SPAG7: variants seen among roughly 807,000 people sequenced by gnomAD.
The protein encoded by SPAG7 is sperm-associated antigen 7.
SPAG7 carries 20 observed loss-of-function variants against 30.6 expected under a neutral mutation model. That is an observed-to-expected ratio of 0.65 (90% CI 0.46 to 0.95). The LOEUF (loss-of-function observed/expected upper bound fraction) is 0.95. SPAG7 is among the 40% of genes least tolerant of loss of function. The pLI, the probability that SPAG7 is intolerant of heterozygous loss-of-function variation, is 0.00. For synonymous variants in SPAG7, 127 were observed against 104.2 expected (o/e 1.22, Z -1.33); for missense variants, 276 against 291.1 (o/e 0.95, Z 0.38).
chr17:4,967,174 T>C (rs1280398671), intron 1 of SPAG7: 36 of 985,648 alleles, frequency 3.7e-5, no homozygotes, highest in Non-Finnish European at 4.2e-5. Context: ...GGGAAAAAGG[T>C]TGTCGGAGGG....
At chr17:4,960,729 TTTAAC>T in intron 2 of SPAG7, 52 bp downstream of exon 2, 14 of 1,545,796 alleles carry the variant, frequency 9.1e-6, no homozygotes, top group Non-Finnish European at 1.3e-5. Flanking sequence ...ACCTTCCAAT[TTTAAC>T]TTATTGGAAG....
chr17:4,962,766 T>A (rs900313368), intron 1 of SPAG7, among the ~76,000 whole-genome samples: 1 of 151,960 alleles, frequency 6.6e-6, no homozygotes, highest in Non-Finnish European at 1.5e-5. Flanking sequence ...GTCAGGTTGG[T>A]CTCGAACTCC....
At chr17:4,967,816 CTG>C (rs775783314) in exon 1 of SPAG7, 41 of 1,601,970 alleles carry the variant, frequency 2.6e-5, 1 homozygote, top group African/African-American at 3.1e-4. Context: ...TTGGGAGTGA[CTG>C]AGAGGGGGCG....
At chr17:4,961,764 CAA>C (rs762833514) in intron 1 of SPAG7, among the ~76,000 whole-genome samples, 10,864 of 56,526 alleles carry the variant, frequency 0.19, 210 homozygotes, top group Middle Eastern at 0.23. Context: ...GACTCCATCT[CAA>C]AAAAAAAAAA....
At chr17:4,960,930 T>C (rs747207673) in intron 1 of SPAG7, 77 bp from the exon 2 acceptor site, 1 of 1,302,168 alleles carries the variant, frequency 7.7e-7, no homozygotes, top group Non-Finnish European at 1.1e-6. Context: ...TCAAGTGAAG[T>C]GTGGTGTCCA....
At position 4,960,473 on chromosome 17, in the gene SPAG7, G is replaced by C; in HGVS notation, c.228C>G (p.Ile76Met). The change falls in exon 3 of 7, where the codon ATC (isoleucine) becomes ATG (methionine). Residue 76 changes from isoleucine to methionine, a missense_variant. Physicochemically the swap from Ile to Met is conservative, Grantham distance 10 (BLOSUM62 1). Coordinates refer to ENST00000206020, the MANE Select transcript of SPAG7 (RefSeq NM_004890.3). ...IKKKFQPMNK[I>M]ERSILHDVVE... is the part of the protein sequence containing the mutation. Reference sequence around the variant, plus strand: ...GGGACACTCACAGTATGCTCCTCTCGATCTTGTTCATTGGCTGAAACTTTT... The same window carrying C: ...GGGACACTCACAGTATGCTCCTCTCCATCTTGTTCATTGGCTGAAACTTTT... The C allele has an allele frequency of 6.2e-7, 1 of 1,603,704 alleles. No homozygotes were observed. Among genetic ancestry groups the C allele is most frequent in the Non-Finnish European group, 8.5e-7 (1 of 1,176,482 alleles).
rs529001332 is a variant in SPAG7, at chr17:4,962,553, G to A, written c.86-1700C>T. Among the ~76,000 whole-genome samples, 3 of 152,280 alleles carry A rather than the reference G, an allele frequency of 2.0e-5. No homozygotes were observed. In the South Asian group the frequency reaches 6.2e-4, roughly 32 times the overall value. The stretch of plus-strand genomic sequence containing the variant: ...TTCTCAAGTAGCTGGGACCACAGGC[G>A]TGTGCCACCATGCTCAGCTACTGTT... On this transcript the variant is annotated intron_variant, in intron 1 of 6. Coordinates refer to ENST00000206020, the MANE Select transcript of SPAG7 (RefSeq NM_004890.3).
intron 1 of SPAG7, chr17:4,965,848 T>TTATTTATTTATTTATC (rs1555555828): frequency 1.4e-5 from 2 of 144,104 alleles, no homozygotes; most frequent in Non-Finnish European, 3.0e-5. Flanking sequence ...ATTTATTTAT[T>TTATTTATTTATTTATC]TATCTATTTA....
chr17:4,959,780 G>A lies in SPAG7; in HGVS notation c.554C>T (p.Ala185Val). The A allele has an allele frequency of 1.2e-6, 2 of 1,614,158 alleles. No individual in the cohort carries two copies. The change falls in exon 6 of 7, where the codon GCC becomes GTC. Residue 185 changes from alanine (A) to valine (V), a missense_variant. Physicochemically the swap from Ala to Val is moderately conservative, Grantham distance 64. Transcript: ENST00000206020. ...AAKDAAHMLQ[A>V]NKTYGCVPVA... ...CTCACCACAGCCGTAGGTCTTATTG[G>A]CCTGTAGCATGTGGGCTGCGTCTTT...
Position 4,960,395 on chromosome 17 carries a change from C to T in SPAG7, c.242+64G>A, listed in dbSNP as rs577013710. ...AGTGCCCTCCTCTGGAGGAGCCCCC[C>T]GCTGGCCCTTTCATGCCCCGCTAGC... On this transcript the variant is annotated intron_variant, in intron 3 of 6. Transcript: ENST00000206020. The T allele has an allele frequency of 4.1e-5, 66 of 1,597,262 alleles. 1 individual carries two copies. In the South Asian group the frequency reaches 4.2e-4, roughly 10 times the overall value.
chr17:4,962,637 TTTTTA>T (rs1250296438), intron 1 of SPAG7, among the ~76,000 whole-genome samples: 5 of 151,970 alleles, frequency 3.3e-5, no homozygotes, highest in Admixed American at 6.6e-5. Flanking sequence ...CAGGATGGTA[TTTTTA>T]TTTTATTTTA....
chr17:4,963,113 CT>C (rs1326330002), intron 1 of SPAG7, among the ~76,000 whole-genome samples: 1 of 151,858 alleles, frequency 6.6e-6, no homozygotes, highest in Non-Finnish European at 1.5e-5. Flanking sequence ...AATGTTTGGG[CT>C]GAGCGTGGTG....
At chr17:4,963,249 A>G (rs1971893838) in intron 1 of SPAG7, among the ~76,000 whole-genome samples, 1 of 152,020 alleles carries the variant, frequency 6.6e-6, no homozygotes. Context: ...AGAATTAGGC[A>G]TGATGATGCA....
chr17:4,960,976 T>C (rs1350348120), intron 1 of SPAG7, 123 bp from the exon 2 acceptor site: 1 of 812,518 alleles, frequency 1.2e-6, no homozygotes, highest in East Asian at 2.4e-5. Flanking sequence ...AGGATTAGCG[T>C]TTATTCATCA....
At chr17:4,960,708 C>A (rs867798178) in intron 2 of SPAG7, 78 bp downstream of exon 2, 2 of 1,491,812 alleles carry the variant, frequency 1.3e-6, no homozygotes, top group African/African-American at 2.8e-5. Flanking sequence ...TTCAGCAAAA[C>A]TGAGTCCTCA....
chr17:4,964,640 C>A (rs977109378), intron 1 of SPAG7, among the ~76,000 whole-genome samples: 3 of 152,148 alleles, frequency 2.0e-5, no homozygotes, highest in Admixed American at 2.0e-4. Context: ...GGATTATAGG[C>A]GTGAGCCACC....
intron 1 of SPAG7, among the ~76,000 whole-genome samples, chr17:4,964,357 C>CTTTTT (rs1169648266): frequency 3.6e-5 from 4 of 110,054 alleles, no homozygotes; most frequent in Non-Finnish European, 5.2e-5. Context: ...TCCTTTACAT[C>CTTTTT]TTTTTTTTTT....
In SPAG7 at chr17:4,960,462, A is replaced by G; in HGVS notation, c.239T>C (p.Ile80Thr). The G allele has an allele frequency of 6.2e-7, 1 of 1,608,048 alleles. No individual in the cohort carries two copies. Among genetic ancestry groups the G allele is most frequent in the African/African-American group, 1.3e-5 (1 of 74,552 alleles). The stretch of plus-strand genomic sequence containing the variant: ...CCCCCAGCCCAGGGACACTCACAGT[A>G]TGCTCCTCTCGATCTTGTTCATTGG... ...FQPMNKIERS[I>T]LHDVVEVAGL... is the part of the protein sequence containing the mutation. The change falls in exon 3 of 7, where the codon ATA becomes ACA. Residue 80 changes from isoleucine to threonine, a missense_variant. Coordinates refer to ENST00000206020, the MANE Select transcript of SPAG7 (RefSeq NM_004890.3).
At chr17:4,963,918 G>A (rs1257686447) in intron 1 of SPAG7, among the ~76,000 whole-genome samples, 1 of 152,060 alleles carries the variant, frequency 6.6e-6, no homozygotes. Context: ...GAACTCTTGG[G>A]CTCAAGGTAT....
Sources: gnomAD v4.1 joint callset for allele counts (sites outside exome capture counted in the v4.1 genomes callset) on GRCh38, gnomAD v4.1.1 for gene constraint, MANE v1.5 for transcripts, NCBI Gene and HGNC (gene_info 2026-07-23, HGNC 2026-07-21) for gene names.